Variants in HSP90AA1 observed in about 807,000 individuals in gnomAD.
HSP90AA1 encodes heat shock protein 90 alpha family class A member 1.
HSP90AA1 carries 18 observed loss-of-function variants against 73.3 expected under a neutral mutation model. The observed-to-expected ratio is 0.25, with a 90% confidence interval of 0.17 to 0.36. The LOEUF is 0.36. Among genes scored for constraint, HSP90AA1 ranks in the 10% least tolerant of loss-of-function variants. The probability of loss-of-function intolerance (pLI) is 1.00; values close to 1 mark genes in which losing one functional copy is unlikely to be tolerated. For missense variants in HSP90AA1, 704 were observed against 874.2 expected, an observed-to-expected ratio of 0.81 and a Z score of 2.45; for synonymous variants, 477 against 296.9, an observed-to-expected ratio of 1.61 and a Z score of -6.24.
In HSP90AA1 at chr14:102,086,049, G is replaced by A. The variant is rs2049223141; in HGVS notation, c.238C>T (p.Leu80Phe). 3 of 1,613,746 alleles carry A rather than the reference G, an allele frequency of 1.9e-6. No individual in the cohort carries two copies. The highest frequency in any genetic ancestry group is 2.5e-6 in the Non-Finnish European group (3 of 1,179,844). The stretch of plus-strand genomic sequence containing the variant: ...GTTCGATCTTGTTTGTTCGGTATAA[G>A]GTTAATATGCAGCTCTTTCCCAGAG... ...LDSGKELHINLIPNKQDRTLT... is the reference protein window; with the variant it reads ...LDSGKELHINFIPNKQDRTLT... Residue 80 changes from leucine (L) to phenylalanine (F), a missense_variant, in exon 3 of 11, where the codon CTT becomes TTT. Leu to Phe is a conservative substitution (Grantham distance 22). Transcript: ENST00000216281.
In HSP90AA1 at chr14:102,133,619, G is replaced by A. The variant is rs146976830; in HGVS notation, c.155+5631C>T. On this transcript the variant is annotated intron_variant, in intron 1 of 11. Transcript: ENST00000334701. ...CTGCCTCAGCCCCCCTAGTAGCTGGGATTACAGGCATATGGCACCACGCCT... is the reference window on the plus strand; with the variant it reads ...CTGCCTCAGCCCCCCTAGTAGCTGGAATTACAGGCATATGGCACCACGCCT... Among the ~76,000 whole-genome samples, 689 of 151,882 alleles carry A rather than the reference G, an allele frequency of 4.5e-3. 6 individuals carry two copies. The highest frequency in any genetic ancestry group is 0.015 in the African/African-American group (640 of 41,466).
At chr14:102,107,721 G>T (rs1170398417) in intron 1 of HSP90AA1, among the ~76,000 whole-genome samples, 1 of 151,996 alleles carries the variant, frequency 6.6e-6, no homozygotes, top group Non-Finnish European at 1.5e-5. Flanking sequence ...GTGACAGCTG[G>T]TGTGGCTGTT....
upstream of HSP90AA1, among the ~76,000 whole-genome samples, chr14:102,089,945 G>A (rs1217267591): frequency 6.6e-6 from 1 of 152,144 alleles, no homozygotes; most frequent in Non-Finnish European, 1.5e-5. Context: ...TCTCCAAACT[G>A]TAGCCAGGGT....
Position 102,081,565 on chromosome 14 carries a change from A to T in HSP90AA1, c.*147T>A. Reference sequence around the variant, plus strand: ...CTAAGGTATCACAGCATCACTTAGTAGACAGAAATCTTATCTTCCCCTTAA... The same window carrying T: ...CTAAGGTATCACAGCATCACTTAGTTGACAGAAATCTTATCTTCCCCTTAA... On this transcript the variant is annotated 3_prime_UTR_variant, in exon 11 of 11. Coordinates refer to ENST00000216281, the MANE Select transcript of HSP90AA1 (RefSeq NM_005348.4). The T allele has an allele frequency of 1.5e-6, 1 of 659,870 alleles. No homozygotes were observed. Among genetic ancestry groups the T allele is most frequent in the Non-Finnish European group, 2.7e-6 (1 of 364,332 alleles). The allele number at this position is 659,870 out of a possible 1,614,324, so 40.9% of individuals were successfully genotyped here.
chr14:102,101,048 G>A (rs916751617), intron 2 of HSP90AA1, among the ~76,000 whole-genome samples: 1 of 152,154 alleles, frequency 6.6e-6, no homozygotes, highest in African/African-American at 2.4e-5. Context: ...CCGGCTGGGG[G>A]CTGTGGCTCC....
chr14:102,086,549 C>A (rs2049241314), intron 1 of HSP90AA1, among the ~76,000 whole-genome samples, 171 bp from the exon 2 acceptor site: 1 of 152,160 alleles, frequency 6.6e-6, no homozygotes, highest in South Asian at 2.1e-4. Flanking sequence ...CGGAGCGCGG[C>A]AACTACCACG....
At chr14:102,086,915 C>A in intron 1 of HSP90AA1, 71 bp downstream of exon 1, 1 of 889,198 alleles carries the variant, frequency 1.1e-6, no homozygotes, top group Non-Finnish European at 1.3e-6. Flanking sequence ...CCCACAGCCT[C>A]CGCCCCGCGC....
Position 102,081,034 on chromosome 14 carries a change from ACT to A in HSP90AA1, c.*676_*677del, listed in dbSNP as rs1386664750. On this transcript the variant is annotated 3_prime_UTR_variant, in exon 11 of 11. Coordinates refer to ENST00000216281, the MANE Select transcript of HSP90AA1 (RefSeq NM_005348.4). ...ACTCCCCTTTCCCCCTAAATAAGACACTGTCACACAATATCTTTTAACTCATC... is the reference window on the plus strand; with the variant it reads ...ACTCCCCTTTCCCCCTAAATAAGACAGTCACACAATATCTTTTAACTCATC... The A allele has an allele frequency of 4.4e-6, 1 of 227,406 alleles. No individual in the cohort carries two copies. Among genetic ancestry groups the A allele is most frequent in the African/African-American group, 2.2e-5 (1 of 44,970 alleles). 14.1% of individuals were successfully genotyped at this position (227,406 alleles called of 1,614,324 possible).
At chr14:102,135,506 C>T (rs1419159933) in intron 1 of HSP90AA1, among the ~76,000 whole-genome samples, 1 of 152,274 alleles carries the variant, frequency 6.6e-6, no homozygotes, top group African/African-American at 2.4e-5. Flanking sequence ...CTGCGCCGTG[C>T]GCTCGCATTC....
intron 1 of HSP90AA1, among the ~76,000 whole-genome samples, chr14:102,133,362 G>A (rs2049932853): frequency 6.6e-6 from 1 of 152,060 alleles, no homozygotes; most frequent in Non-Finnish European, 1.5e-5. Context: ...ACAAAATTTT[G>A]AACACAATTA....
intron 1 of HSP90AA1, chr14:102,139,139 A>C: frequency 7.7e-7 from 1 of 1,306,828 alleles, no homozygotes; most frequent in Non-Finnish European, 1.1e-6. Flanking sequence ...CATCACACGC[A>C]GGAATTAGGA....
chr14:102,108,263 CAAAAAAAAAA>C (rs34157305), intron 1 of HSP90AA1, among the ~76,000 whole-genome samples: 2 of 79,882 alleles, frequency 2.5e-5, no homozygotes, highest in East Asian at 3.7e-4. Context: ...ACCTTGTCTC[CAAAAAAAAAA>C]AAAAAAAAAA....
intron 1 of HSP90AA1, among the ~76,000 whole-genome samples, chr14:102,125,472 T>C (rs1346972812): frequency 6.6e-6 from 1 of 152,192 alleles, no homozygotes; most frequent in Non-Finnish European, 1.5e-5. Flanking sequence ...TGTTATTTTT[T>C]AGGAAGAGGG....
chr14:102,086,441 C>T (rs2049236686), intron 1 of HSP90AA1, 63 bp from the exon 2 acceptor site: 3 of 1,534,182 alleles, frequency 2.0e-6, no homozygotes, highest in South Asian at 1.1e-5. Flanking sequence ...CACGAAATTC[C>T]ATCGCGTTCT....
chr14:102,082,645 G>A (rs921327321), intron 9 of HSP90AA1: 1 of 596,380 alleles, frequency 1.7e-6, no homozygotes, highest in South Asian at 1.9e-5. Context: ...TTTTGAGATA[G>A]AGTCTCGCTC....
upstream of HSP90AA1, among the ~76,000 whole-genome samples, chr14:102,089,612 C>CT (rs1249819566): frequency 6.6e-6 from 1 of 152,144 alleles, no homozygotes; most frequent in Non-Finnish European, 1.5e-5. Flanking sequence ...AGCACTCTCA[C>CT]TAATAGAACT....
upstream of HSP90AA1, among the ~76,000 whole-genome samples, chr14:102,089,584 C>T (rs894779033): frequency 2.0e-5 from 3 of 152,102 alleles, no homozygotes; most frequent in African/African-American, 4.8e-5. Flanking sequence ...GGGTCTTTGC[C>T]CCCAGGAAAT....
intron 2 of HSP90AA1, chr14:102,101,773 T>C (rs2049496185): frequency 4.4e-6 from 4 of 899,368 alleles, no homozygotes; most frequent in Admixed American, 2.0e-5. Context: ...GAGAGTGACA[T>C]TGTTTTAGCT....
At chr14:102,100,378 C>T (rs574423624) in intron 2 of HSP90AA1, among the ~76,000 whole-genome samples, 45 of 150,468 alleles carry the variant, frequency 3.0e-4, no homozygotes, top group Non-Finnish European at 5.3e-4. Context: ...GCAGCCTGGG[C>T]GACAGAGTGA....
Sources: allele counts gnomAD v4.1 joint callset (sites outside exome capture counted in the v4.1 genomes callset), GRCh38; gene constraint gnomAD v4.1.1; transcripts MANE v1.5; gene names NCBI Gene and HGNC (gene_info 2026-07-23, HGNC 2026-07-21).